FUT9: variants seen among roughly 807,000 people sequenced by gnomAD.
FUT9 encodes 4-galactosyl-N-acetylglucosaminide 3-alpha-L-fucosyltransferase 9.
In FUT9, 15 loss-of-function variants were observed where a neutral mutation model predicts 29.7. That is an observed-to-expected ratio of 0.51 (90% confidence interval 0.34 to 0.78). The LOEUF is 0.78. Ranked by LOEUF, FUT9 falls within the 30% of genes least tolerant of loss-of-function variation. The pLI, the probability that FUT9 is intolerant of heterozygous loss-of-function variation, is 0.01. For synonymous variants in FUT9, 169 were observed against 153.7 expected (o/e 1.10, Z -0.74); for missense variants, 319 against 425.4 (o/e 0.75, Z 2.20).
At chr6:96,141,081 T>C (rs943808389) in intron 2 of FUT9, among the ~76,000 whole-genome samples, 2 of 152,226 alleles carry the variant, frequency 1.3e-5, no homozygotes, top group African/African-American at 2.4e-5. Context: ...TTTCTTTGAC[T>C]AAAATTAATG....
intron 2 of FUT9, among the ~76,000 whole-genome samples, chr6:96,170,128 A>G (rs1251504162): frequency 6.6e-6 from 1 of 152,210 alleles, no homozygotes; most frequent in African/African-American, 2.4e-5. Context: ...GTGCAGAGAC[A>G]GCATAACAAG....
At chr6:96,135,441 A>G (rs1242443866) in intron 2 of FUT9, among the ~76,000 whole-genome samples, 1 of 151,982 alleles carries the variant, frequency 6.6e-6, no homozygotes, top group African/African-American at 2.4e-5. Context: ...AGGAATGGCA[A>G]GGTTTGCACC....
At chr6:96,176,636 C>T (rs989338602) in intron 2 of FUT9, among the ~76,000 whole-genome samples, 1 of 152,144 alleles carries the variant, frequency 6.6e-6, no homozygotes, top group Non-Finnish European at 1.5e-5. Context: ...TCTCTCCTTT[C>T]ACCTATTTTT....
intron 2 of FUT9, among the ~76,000 whole-genome samples, chr6:96,191,293 T>C (rs948803744): frequency 9.9e-5 from 15 of 152,088 alleles, no homozygotes; most frequent in Non-Finnish European, 1.5e-4. Flanking sequence ...ATCCAGGAGC[T>C]AGTTTTTTTG....
At chr6:96,089,746 G>T (rs1056162339) in intron 1 of FUT9, among the ~76,000 whole-genome samples, 1 of 152,102 alleles carries the variant, frequency 6.6e-6, no homozygotes, top group African/African-American at 2.4e-5. Context: ...GAAGTAACCA[G>T]GCTATGAGTG....
intron 1 of FUT9, among the ~76,000 whole-genome samples, chr6:96,047,574 T>C (rs1334280280): frequency 6.6e-6 from 1 of 152,208 alleles, no homozygotes; most frequent in Non-Finnish European, 1.5e-5. Flanking sequence ...TCATTGTATA[T>C]GTACTTTGTG....
intron 2 of FUT9, among the ~76,000 whole-genome samples, chr6:96,191,674 C>T (rs1360138726): frequency 6.6e-6 from 1 of 152,158 alleles, no homozygotes; most frequent in Non-Finnish European, 1.5e-5. Flanking sequence ...TGGTACCATT[C>T]CTTCTGCAAC....
At chr6:96,128,098 G>T (rs1169958303) in intron 2 of FUT9, among the ~76,000 whole-genome samples, 1 of 151,932 alleles carries the variant, frequency 6.6e-6, no homozygotes, top group African/African-American at 2.4e-5. Context: ...AGCTTTTTAA[G>T]CCAAATTTAA....
chr6:96,046,898 G>A (rs1770573858), intron 1 of FUT9, among the ~76,000 whole-genome samples: 1 of 152,140 alleles, frequency 6.6e-6, no homozygotes, highest in Non-Finnish European at 1.5e-5. Context: ...TTATCAGAGT[G>A]ACAGAAATTA....
chr6:96,081,455 A>G (rs1771235881), intron 1 of FUT9, among the ~76,000 whole-genome samples: 2 of 151,780 alleles, frequency 1.3e-5, no homozygotes, highest in African/African-American at 4.8e-5. Context: ...ACCTATGCTG[A>G]TACGTCTATT....
rs1194588207 is a variant in FUT9 at position 96,212,933 on chromosome 6, T to C, written c.*8698T>C. 2.4e-5 allele frequency: 4 copies of C among 166,892 alleles called. No individual in the cohort carries two copies. The highest frequency in any genetic ancestry group is 6.6e-5 in the Admixed American group (1 of 15,246). 10.3% of individuals were successfully genotyped at this position (166,892 alleles called of 1,614,324 possible). On this transcript the variant is annotated 3_prime_UTR_variant, in exon 3 of 3. Transcript: ENST00000302103. ...TTTCACAATCTGCTGTATAATTCAC[T>C]AACATTTCTGAGCCATAGATTTTTA...
intron 2 of FUT9, among the ~76,000 whole-genome samples, chr6:96,201,062 G>T (rs1773718687): frequency 1.3e-5 from 2 of 150,652 alleles, no homozygotes; most frequent in Non-Finnish European, 1.5e-5. Context: ...CTTAATTTTT[G>T]TATTTTCCAA....
chr6:96,027,682 C>T (rs1770191304), intron 1 of FUT9, among the ~76,000 whole-genome samples: 1 of 151,554 alleles, frequency 6.6e-6, no homozygotes, highest in African/African-American at 2.4e-5. Context: ...GGACAGCTGC[C>T]CTTTCCTTCT....
intron 2 of FUT9, among the ~76,000 whole-genome samples, chr6:96,138,254 G>A (rs1042751192): frequency 3.9e-5 from 6 of 152,186 alleles, no homozygotes; most frequent in African/African-American, 1.4e-4. Flanking sequence ...CAAAGAAAGA[G>A]GAATTGTAAG....
At chr6:96,202,411 A>G (rs918030714) in intron 2 of FUT9, among the ~76,000 whole-genome samples, 1 of 152,168 alleles carries the variant, frequency 6.6e-6, no homozygotes, top group Non-Finnish European at 1.5e-5. Context: ...CAATGCAAAT[A>G]GAACATTTGA....
intron 1 of FUT9, among the ~76,000 whole-genome samples, chr6:96,089,830 A>C (rs1030061599): frequency 1.3e-5 from 2 of 152,192 alleles, no homozygotes; most frequent in Non-Finnish European, 2.9e-5. Context: ...CCCATATGGC[A>C]TTGCATTATT....
chr6:96,040,875 C>A (rs1246311056), intron 1 of FUT9, among the ~76,000 whole-genome samples: 2 of 151,722 alleles, frequency 1.3e-5, no homozygotes, highest in Admixed American at 6.6e-5. Context: ...TGTACTTGGC[C>A]TTTTTATCAC....
At chr6:96,076,202 A>C (rs950731130) in intron 1 of FUT9, among the ~76,000 whole-genome samples, 13 of 152,286 alleles carry the variant, frequency 8.5e-5, no homozygotes, top group African/African-American at 3.1e-4. Context: ...TTCTACACCA[A>C]ATGGTACTTT....
Position 96,212,520 on chromosome 6 carries a change from AT to A in FUT9, c.*8289del. The A allele has an allele frequency of 2.5e-6, 1 of 406,808 alleles. No individual in the cohort carries two copies. Among genetic ancestry groups the A allele is most frequent in the East Asian group, 3.6e-5 (1 of 27,782 alleles). 25.2% of individuals were successfully genotyped at this position (406,808 alleles called of 1,614,324 possible). A position where few individuals can be genotyped will look rare whatever the true frequency, so the allele number is the denominator to read the frequency against. On this transcript the variant is annotated 3_prime_UTR_variant, in exon 3 of 3. Coordinates refer to ENST00000302103, the MANE Select transcript of FUT9 (RefSeq NM_006581.4). The stretch of plus-strand genomic sequence containing the variant: ...AAAGACTATCATATTTGAGAACAAG[AT>A]TTTACTTAGAAGGGAAAAAAAAGAA...
Sources: gnomAD v4.1 joint callset for allele counts (sites outside exome capture counted in the v4.1 genomes callset) on GRCh38, gnomAD v4.1.1 for gene constraint, MANE v1.5 for transcripts, NCBI Gene and HGNC (gene_info 2026-07-23, HGNC 2026-07-21) for gene names.